PARD6G: variants seen among roughly 807,000 people sequenced by gnomAD.
PARD6G encodes partitioning defective 6 homolog gamma.
PARD6G carries 7 observed loss-of-function variants against 10.7 expected under a neutral mutation model. That is an observed-to-expected ratio of 0.66 (90% CI 0.37 to 1.23). PARD6G has a LOEUF of 1.23. Ranked by LOEUF, PARD6G falls within the 50% of genes most tolerant of loss-of-function variation. The pLI, the probability that PARD6G is intolerant of heterozygous loss-of-function variation, is 0.02. For missense variants in PARD6G, 548 were observed against 571.8 expected (o/e 0.96, Z 0.42); for synonymous variants, 287 against 269.4 (o/e 1.07, Z -0.64).
chr18:80,211,016 T>C (rs1967102912), intron 1 of PARD6G, among the ~76,000 whole-genome samples: 1 of 152,194 alleles, frequency 6.6e-6, no homozygotes, highest in Non-Finnish European at 1.5e-5. Context: ...ACTAGTTGAT[T>C]GAGTTTCTTA....
chr18:80,232,481 A>T (rs1028985040), intron 1 of PARD6G, among the ~76,000 whole-genome samples: 1 of 152,146 alleles, frequency 6.6e-6, no homozygotes, highest in Non-Finnish European at 1.5e-5. Flanking sequence ...GGTGAAAGGC[A>T]CTTCTTACAT....
intron 2 of PARD6G, among the ~76,000 whole-genome samples, chr18:80,197,793 T>C (rs568342997): frequency 2.4e-4 from 37 of 152,366 alleles, no homozygotes; most frequent in Middle Eastern, 3.4e-3. Flanking sequence ...AAGGGCCAGC[T>C]TCCCAAAACA....
intron 1 of PARD6G, among the ~76,000 whole-genome samples, chr18:80,211,774 C>A (rs1022814900): frequency 6.6e-6 from 1 of 152,094 alleles, no homozygotes; most frequent in African/African-American, 2.4e-5. Context: ...ACCTTGAGGA[C>A]ATTATGCTGA....
chr18:80,202,806 C>T lies in PARD6G; in HGVS notation c.199G>A (p.Val67Met). ...TTGATGGGCAGCAGGTCTCCGTGCA[C>T]ATCTGCATAGCCAATAGTTACATCA... ...NSDVTIGYAD[V>M]HGDLLPINND... The change falls in exon 2 of 3, where the codon GTG becomes ATG. Residue 67 changes from valine to methionine, a missense_variant. Coordinates refer to ENST00000353265, the MANE Select transcript of PARD6G (RefSeq NM_032510.4). 1 of 1,614,086 alleles carries T rather than the reference C, an allele frequency of 6.2e-7. No homozygotes were observed. The highest frequency in any genetic ancestry group is 8.5e-7 in the Non-Finnish European group (1 of 1,180,022).
At chr18:80,234,945 TCAA>T (rs1305299960) in intron 1 of PARD6G, among the ~76,000 whole-genome samples, 1 of 151,808 alleles carries the variant, frequency 6.6e-6, no homozygotes, top group Non-Finnish European at 1.5e-5. Flanking sequence ...ATTAGACAGA[TCAA>T]CGAGACAGAA....
Position 80,247,203 on chromosome 18 carries a change from C to A in PARD6G, c.72+74G>T, listed in dbSNP as rs914816678. On this transcript the variant is annotated intron_variant, in intron 1 of 2. Coordinates refer to ENST00000353265, the MANE Select transcript of PARD6G (RefSeq NM_032510.4). This position sits in a 1 kb window ranked among gnomAD's most constrained non-coding sequence, Gnocchi z 4.2. ...CCTGTCGCCTCCACGCCGCCCCAGTCCCCCTCCGCGGGGCGCCCCATTCAT... is the reference window on the plus strand; with the variant it reads ...CCTGTCGCCTCCACGCCGCCCCAGTACCCCTCCGCGGGGCGCCCCATTCAT... 1.3e-5 allele frequency: 17 copies of A among 1,266,360 alleles called. 1 individual carries two copies. In the Admixed American group the frequency reaches 1.6e-4, roughly 12 times the overall value. 78.4% of individuals were successfully genotyped at this position (1,266,360 alleles called of 1,614,324 possible).
At chr18:80,186,028 C>A (rs1247654274) in intron 2 of PARD6G, among the ~76,000 whole-genome samples, 2 of 132,524 alleles carry the variant, frequency 1.5e-5, no homozygotes, top group East Asian at 2.4e-4. Flanking sequence ...ACGCATATAC[C>A]CTGACATGCT....
chr18:80,223,490 C>G (rs537380782), intron 1 of PARD6G, among the ~76,000 whole-genome samples: 16 of 152,102 alleles, frequency 1.1e-4, no homozygotes, highest in Non-Finnish European at 1.8e-4. Context: ...AAAAAAGATA[C>G]ACAGATGACC....
chr18:80,223,029 C>T (rs116530882), intron 1 of PARD6G, among the ~76,000 whole-genome samples: 3,909 of 152,234 alleles, frequency 0.026, 159 homozygotes, highest in African/African-American at 0.089. Context: ...AAAAAACAGT[C>T]TTTTCAACAA....
chr18:80,199,724 C>A (rs1470006988), intron 2 of PARD6G, among the ~76,000 whole-genome samples: 1 of 152,164 alleles, frequency 6.6e-6, no homozygotes, highest in East Asian at 1.9e-4. Context: ...CTCACTGCAA[C>A]CTCTGCCTCC....
At chr18:80,240,193 A>G (rs936181833) in intron 1 of PARD6G, among the ~76,000 whole-genome samples, 8 of 152,222 alleles carry the variant, frequency 5.3e-5, no homozygotes, top group African/African-American at 1.9e-4. Context: ...TGAGGTTTTG[A>G]TGGTCAAATA....
chr18:80,238,515 T>A (rs1967452116), intron 1 of PARD6G, among the ~76,000 whole-genome samples: 1 of 151,868 alleles, frequency 6.6e-6, no homozygotes, highest in Admixed American at 6.6e-5. Context: ...ACTATTTTTT[T>A]AACCAAAAGT....
chr18:80,195,759 C>T (rs1966951140), intron 2 of PARD6G, among the ~76,000 whole-genome samples: 1 of 150,744 alleles, frequency 6.6e-6, no homozygotes, highest in South Asian at 2.1e-4. Context: ...CCTGTAGTCC[C>T]AGCTACTCAG....
chr18:80,193,761 G>A (rs1599859046), intron 2 of PARD6G, among the ~76,000 whole-genome samples: 1 of 152,214 alleles, frequency 6.6e-6, no homozygotes, highest in East Asian at 1.9e-4. Flanking sequence ...CTGCTGAGGA[G>A]TGCTGGCAGG....
At chr18:80,177,254 TCAC>T (rs1477869312) in intron 2 of PARD6G, among the ~76,000 whole-genome samples, 3 of 38,336 alleles carry the variant, frequency 7.8e-5, no homozygotes, top group Admixed American at 3.2e-4. Context: ...ACAGTACAAA[TCAC>T]AGCCCAAATG....
At chr18:80,199,696 G>A (rs1393581043) in intron 2 of PARD6G, among the ~76,000 whole-genome samples, 2 of 152,136 alleles carry the variant, frequency 1.3e-5, no homozygotes, top group African/African-American at 2.4e-5. Context: ...AGGCTGGAGG[G>A]CAGTGGTGCA....
At chr18:80,205,476 G>C (rs1447963370) in intron 1 of PARD6G, among the ~76,000 whole-genome samples, 2 of 152,184 alleles carry the variant, frequency 1.3e-5, no homozygotes, top group African/African-American at 4.8e-5. Context: ...GAGGGGCCTG[G>C]TGGGAGGTGA....
At chr18:80,197,703 A>G (rs2054268248) in intron 2 of PARD6G, 1 of 152,184 alleles carries the variant, frequency 6.6e-6, no homozygotes, top group African/African-American at 2.4e-5. Context: ...AAGCAGGGAA[A>G]AGTTACTGTT....
At chr18:80,233,474 T>C (rs1295723382) in intron 1 of PARD6G, among the ~76,000 whole-genome samples, 1 of 152,136 alleles carries the variant, frequency 6.6e-6, no homozygotes, top group African/African-American at 2.4e-5. Context: ...AAGGACCACT[T>C]TGAAGCCAGA....
Sources: allele counts gnomAD v4.1 joint callset (sites outside exome capture counted in the v4.1 genomes callset), GRCh38; gene constraint gnomAD v4.1.1; non-coding constraint Gnocchi (gnomAD v3.1); transcripts MANE v1.5; gene names NCBI Gene and HGNC (gene_info 2026-07-23, HGNC 2026-07-21).